Variants in PPT2 observed in about 807,000 individuals in gnomAD.
The protein encoded by PPT2 is lysosomal thioesterase PPT2.
A neutral mutation model predicts 37.3 loss-of-function variants in PPT2; 20 were observed. The ratio of observed to expected loss-of-function variants is 0.54; its 90% CI spans 0.38 to 0.78. PPT2 has a LOEUF of 0.78. Ranked by LOEUF, PPT2 falls within the 30% of genes least tolerant of loss-of-function variation. The pLI is 0.00. For missense variants in PPT2, 270 were observed against 389.8 expected, an observed-to-expected ratio of 0.69 and a Z score of 2.59; for synonymous variants, 135 against 159.1, an observed-to-expected ratio of 0.85 and a Z score of 1.14.
chr6:32,157,531 T>A (rs973663249), intron 5 of PPT2, 106 bp from the exon 6 acceptor site: 1 of 976,382 alleles, frequency 1.0e-6, no homozygotes, highest in African/African-American at 1.6e-5. Flanking sequence ...CACTACTATT[T>A]TATTACTATC....
intron 7 of PPT2, among the ~76,000 whole-genome samples, chr6:32,160,349 C>T (rs1469319460): frequency 6.6e-6 from 1 of 151,222 alleles, no homozygotes; most frequent in Admixed American, 6.6e-5. Context: ...CCGGCCTTGC[C>T]TGGCCAATAT....
chr6:32,162,565 T>C lies in PPT2; in HGVS notation c.711-3T>C. 1 of 1,608,126 alleles carries C rather than the reference T, an allele frequency of 6.2e-7. No homozygotes were observed. The highest frequency in any genetic ancestry group is 1.1e-5 in the South Asian group (1 of 90,942). On this transcript the variant is annotated splice_polypyrimidine_tract_variant and splice_region_variant and intron_variant, in intron 7 of 8. Transcript: ENST00000324816. This position sits in a 1 kb window ranked among gnomAD's most constrained non-coding sequence, Gnocchi z 5.5. The stretch of plus-strand genomic sequence containing the variant: ...GATAACCTCCCCCCAAATCTCTTTG[T>C]AGCTTCTTTGGTTTCTATGATGCAA...
chr6:32,163,491 C>G lies in PPT2; in HGVS notation c.*541C>G, dbSNP rs189499128. Reference sequence around the variant, plus strand: ...GGGGACAGTTCCGTTCTTGAAGTGTCAGTGTTGGGGAATATCTGTGGCCTA... The same window carrying G: ...GGGGACAGTTCCGTTCTTGAAGTGTGAGTGTTGGGGAATATCTGTGGCCTA... On this transcript the variant is annotated 3_prime_UTR_variant, in exon 9 of 9. Transcript: ENST00000324816. 1 of 156,164 alleles carries G rather than the reference C, an allele frequency of 6.4e-6. No individual in the cohort carries two copies. Among genetic ancestry groups the G allele is most frequent in the Non-Finnish European group, 1.4e-5 (1 of 70,142 alleles). The allele number at this position is 156,164 out of a possible 1,614,324, so 9.7% of individuals were successfully genotyped here.
Position 32,154,892 on chromosome 6 carries a change from G to T in PPT2, c.183+115G>T. On this transcript the variant is annotated intron_variant, in intron 2 of 8. Coordinates refer to ENST00000324816, the MANE Select transcript of PPT2 (RefSeq NM_005155.7). The surrounding 1 kb of genome is among the most constrained non-coding windows in gnomAD (Gnocchi z 7.3). ...GCCTGCCCAGTTCCTCAGGGAGCTG[G>T]TGCTGGCGTGGGGGAGAGTTGGGGG... 1 of 1,529,018 alleles carries T rather than the reference G, an allele frequency of 6.5e-7. No homozygotes were observed. 94.7% of individuals were successfully genotyped at this position (1,529,018 alleles called of 1,614,324 possible).
intron 7 of PPT2, among the ~76,000 whole-genome samples, chr6:32,159,119 C>G (rs1465720889): frequency 6.6e-6 from 1 of 151,970 alleles, no homozygotes; most frequent in Non-Finnish European, 1.5e-5. Context: ...ACTTCTTTTT[C>G]CCCAAACTGA....
chr6:32,157,911 C>A lies in PPT2; in HGVS notation c.697C>A (p.Pro233Thr). 6.2e-7 allele frequency: 1 copy of A among 1,610,386 alleles called. No homozygotes were observed. Among genetic ancestry groups the A allele is most frequent in the Non-Finnish European group, 8.5e-7 (1 of 1,177,814 alleles). The change falls in exon 7 of 9, where the codon CCC becomes ACC. Residue 233 changes from proline (P) to threonine (T), a missense_variant. Transcript: ENST00000324816. The part of the protein sequence containing the change: ...IGGPDDGVIT[P>T]WQSSFFGFYD... Reference sequence around the variant, plus strand: ...GGGCCCTGATGATGGTGTTATTACTCCCTGGCAGTCCAGGTAATAAGGGAT... The same window carrying A: ...GGGCCCTGATGATGGTGTTATTACTACCTGGCAGTCCAGGTAATAAGGGAT...
Position 32,159,172 on chromosome 6 carries a change from C to T in PPT2, c.710+1248C>T, listed in dbSNP as rs530907291. Among the ~76,000 whole-genome samples the T allele has an allele frequency of 1.2e-4, 18 of 151,964 alleles. 1 individual carries two copies. The South Asian group carries it at 3.1e-3, about 26-fold the overall frequency. On this transcript the variant is annotated intron_variant, in intron 7 of 8. Transcript: ENST00000324816. Reference sequence around the variant, plus strand: ...AAAATAGACTGGGTGTGGTGGCTCACGCCTGTAATCCCAGCACTTTGGGAG... The same window carrying T: ...AAAATAGACTGGGTGTGGTGGCTCATGCCTGTAATCCCAGCACTTTGGGAG...
In PPT2 at chr6:32,162,973, G is replaced by A. The variant is rs1445085850; in HGVS notation, c.*23G>A. 2 of 1,600,198 alleles carry A rather than the reference G, an allele frequency of 1.2e-6. No individual in the cohort carries two copies. The highest frequency in any genetic ancestry group is 1.3e-5 in the African/African-American group (1 of 74,334). On this transcript the variant is annotated 3_prime_UTR_variant, in exon 9 of 9. Coordinates refer to ENST00000324816, the MANE Select transcript of PPT2 (RefSeq NM_005155.7). The surrounding 1 kb of genome is among the most constrained non-coding windows in gnomAD (Gnocchi z 5.5). ...TGAGGATATATTCAGGGGTCCCCAG[G>A]AACTCCTCGGTCCAGAGACCAAGTG...
rs1395174847 is a variant in PPT2 at position 32,162,711 on chromosome 6, C to T, written c.765+89C>T. On this transcript the variant is annotated intron_variant, in intron 8 of 8. Transcript: ENST00000324816. The surrounding 1 kb of genome is among the most constrained non-coding windows in gnomAD (Gnocchi z 5.5). ...GTGACTCCTGAGCTGAAGGGTTCAC[C>T]CTGTGGGGAGGAGGTCCAGGATCCC... 8.2e-6 allele frequency: 13 copies of T among 1,578,146 alleles called. No individual in the cohort carries two copies. Among genetic ancestry groups the T allele is most frequent in the East Asian group, 2.2e-5 (1 of 44,738 alleles).
chr6:32,161,443 C>T (rs552824930), intron 7 of PPT2, among the ~76,000 whole-genome samples: 1 of 150,998 alleles, frequency 6.6e-6, no homozygotes, highest in Non-Finnish European at 1.5e-5. Flanking sequence ...GCGCCCACCA[C>T]CATGCCCAAC....
In PPT2 at chr6:32,157,854, T is replaced by G; in HGVS notation, c.640T>G (p.Phe214Val). Residue 214 changes from phenylalanine to valine, a missense_variant, in exon 7 of 9, where the codon TTT (phenylalanine) becomes GTT (valine). Coordinates refer to ENST00000324816, the MANE Select transcript of PPT2 (RefSeq NM_005155.7). ...HPNATVWRKNFLRVGHLVLIG... is the reference protein window; with the variant it reads ...HPNATVWRKNVLRVGHLVLIG... ...CCATCCTACAGTATGGCGGAAGAAC[T>G]TTCTGCGTGTGGGCCACCTGGTGCT... The G allele has an allele frequency of 6.2e-7, 1 of 1,612,846 alleles. No homozygotes were observed. The highest frequency in any genetic ancestry group is 8.5e-7 in the Non-Finnish European group (1 of 1,179,822).
rs1033624377 is a variant in PPT2, at chr6:32,154,902, G to C, written c.183+125G>C. ...TTCCTCAGGGAGCTGGTGCTGGCGTGGGGGAGAGTTGGGGGACGGGATCCC... is the reference window on the plus strand; with the variant it reads ...TTCCTCAGGGAGCTGGTGCTGGCGTCGGGGAGAGTTGGGGGACGGGATCCC... On this transcript the variant is annotated intron_variant, in intron 2 of 8. Coordinates refer to ENST00000324816, the MANE Select transcript of PPT2 (RefSeq NM_005155.7). This position sits in a 1 kb window ranked among gnomAD's most constrained non-coding sequence, Gnocchi z 7.3. 4.3e-5 allele frequency: 66 copies of C among 1,531,294 alleles called. No individual in the cohort carries two copies. The highest frequency in any genetic ancestry group is 5.4e-5 in the Non-Finnish European group (61 of 1,123,364). The allele number at this position is 1,531,294 out of a possible 1,614,324, so 94.9% of individuals were successfully genotyped here.
intron 7 of PPT2, among the ~76,000 whole-genome samples, chr6:32,161,732 C>T (rs920163167): frequency 2.0e-5 from 3 of 151,406 alleles, no homozygotes; most frequent in African/African-American, 7.3e-5. Context: ...GGATTACAGG[C>T]GCCCACCACG....
chr6:32,155,255 A>C lies in PPT2; in HGVS notation c.337+72A>C, dbSNP rs1181637065. 1 of 1,560,814 alleles carries C rather than the reference A, an allele frequency of 6.4e-7. No homozygotes were observed. Among genetic ancestry groups the C allele is most frequent in the Non-Finnish European group, 8.8e-7 (1 of 1,140,100 alleles). On this transcript the variant is annotated intron_variant, in intron 3 of 8. Coordinates refer to ENST00000324816, the MANE Select transcript of PPT2 (RefSeq NM_005155.7). The surrounding 1 kb of genome is among the most constrained non-coding windows in gnomAD (Gnocchi z 4.3). ...GATCCTTATCTGAGGGACACTTCCT[A>C]GCGTCCCTTTTTCTGAACCACATTG...
chr6:32,161,588 CT>C (rs1784161544), intron 7 of PPT2, among the ~76,000 whole-genome samples: 1 of 128,074 alleles, frequency 7.8e-6, no homozygotes. Flanking sequence ...CACACCTGGC[CT>C]CTTTTTTTTT....
Position 32,163,029 on chromosome 6 carries a change from G to C in PPT2, c.*79G>C, listed in dbSNP as rs1056669859. The C allele has an allele frequency of 1.8e-5, 26 of 1,465,156 alleles. No individual in the cohort carries two copies. The highest frequency in any genetic ancestry group is 1.0e-4 in the South Asian group (8 of 77,626). 90.8% of individuals were successfully genotyped at this position (1,465,156 alleles called of 1,614,324 possible). ...CTTGGAAAGCAGATGTCAGGCTTTG[G>C]TGTGCCTGTGACCACCTCATTGCTC... On this transcript the variant is annotated 3_prime_UTR_variant, in exon 9 of 9. Coordinates refer to ENST00000324816, the MANE Select transcript of PPT2 (RefSeq NM_005155.7).
chr6:32,161,588 C>CTTTT (rs35832910), intron 7 of PPT2, among the ~76,000 whole-genome samples: 5 of 128,078 alleles, frequency 3.9e-5, no homozygotes, highest in Non-Finnish European at 3.3e-5. Flanking sequence ...CACACCTGGC[C>CTTTT]TCTTTTTTTT....
chr6:32,161,052 C>T (rs1025743566), intron 7 of PPT2, among the ~76,000 whole-genome samples: 2 of 151,312 alleles, frequency 1.3e-5, no homozygotes, highest in Admixed American at 6.6e-5. Context: ...ACCTAGATTT[C>T]GCAAATGTTA....
chr6:32,158,231 C>T (rs746932129), intron 7 of PPT2: 8 of 321,028 alleles, frequency 2.5e-5, no homozygotes, highest in Non-Finnish European at 4.6e-5. Context: ...TAGCAAGGCC[C>T]TTCACCCAGC....
Sources: gnomAD v4.1 joint callset for allele counts (sites outside exome capture counted in the v4.1 genomes callset) on GRCh38, gnomAD v4.1.1 for gene constraint, Gnocchi (gnomAD v3.1) non-coding constraint, MANE v1.5 for transcripts, NCBI Gene and HGNC (gene_info 2026-07-23, HGNC 2026-07-21) for gene names.